ADD3: variants seen among roughly 807,000 people sequenced by gnomAD.
ADD3 encodes adducin 3, also known as gamma-adducin.
A neutral mutation model predicts 80.2 loss-of-function variants in ADD3; 25 were observed. The observed-to-expected ratio is 0.31, with a 90% CI of 0.23 to 0.44. ADD3 has a LOEUF of 0.44. Ranked by LOEUF, ADD3 falls within the 20% of genes least tolerant of loss-of-function variation. The probability of loss-of-function intolerance (pLI) is 1.00; values close to 1 mark genes in which losing one functional copy is unlikely to be tolerated. For missense variants in ADD3, 829 were observed against 847.5 expected, an observed-to-expected ratio of 0.98 and a Z score of 0.27; for synonymous variants, 284 against 289.6, an observed-to-expected ratio of 0.98 and a Z score of 0.20.
At chr10:110,093,910 G>C (rs559672430) in intron 1 of ADD3, among the ~76,000 whole-genome samples, 1 of 151,992 alleles carries the variant, frequency 6.6e-6, no homozygotes, top group African/African-American at 2.4e-5. Flanking sequence ...TACTATATTC[G>C]CCTATTTTTG....
Position 110,119,203 on chromosome 10 carries a change from C to T in ADD3, c.718-8C>T, listed in dbSNP as rs1175029157. ...ATGTGTTATCTTGGTATGGGCCAAACCAAATAGGTATCCTCCATGAAATGT... is the reference window on the plus strand; with the variant it reads ...ATGTGTTATCTTGGTATGGGCCAAATCAAATAGGTATCCTCCATGAAATGT... On this transcript the variant is annotated splice_region_variant and splice_polypyrimidine_tract_variant and intron_variant, in intron 6 of 14. Coordinates refer to ENST00000356080, the MANE Select transcript of ADD3 (RefSeq NM_016824.5). The T allele has an allele frequency of 6.2e-7, 1 of 1,613,882 alleles. No individual in the cohort carries two copies. The highest frequency in any genetic ancestry group is 2.2e-5 in the East Asian group (1 of 44,874).
At chr10:110,018,287 G>C (rs1447283978) in intron 1 of ADD3, among the ~76,000 whole-genome samples, 1 of 152,128 alleles carries the variant, frequency 6.6e-6, no homozygotes, top group Non-Finnish European at 1.5e-5. Flanking sequence ...CAGCACTTTG[G>C]GAGGCTGAGG....
chr10:110,116,458 A>G (rs1565009571), intron 4 of ADD3, 48 bp downstream of exon 4: 1 of 1,592,860 alleles, frequency 6.3e-7, no homozygotes, highest in Non-Finnish European at 8.6e-7. Context: ...TCCAGCTAGA[A>G]GGCAACTATA....
At chr10:110,005,455 T>A (rs1346371034), upstream of ADD3, among the ~76,000 whole-genome samples, 2 of 152,234 alleles carry the variant, frequency 1.3e-5, no homozygotes, top group Non-Finnish European at 2.9e-5. Flanking sequence ...AGTATGCTTA[T>A]AGGTAGGACT....
intron 2 of ADD3, among the ~76,000 whole-genome samples, chr10:110,112,529 T>C (rs1356153656): frequency 3.9e-5 from 6 of 152,208 alleles, no homozygotes; most frequent in Non-Finnish European, 1.5e-5. Flanking sequence ...GCCTGTCTAG[T>C]GTAGATATTA....
intron 1 of ADD3, among the ~76,000 whole-genome samples, chr10:110,010,346 A>G (rs932165943): frequency 2.0e-5 from 3 of 152,224 alleles, no homozygotes; most frequent in Non-Finnish European, 2.9e-5. Context: ...ACTGGGTGGC[A>G]TGTATGCATG....
intron 1 of ADD3, among the ~76,000 whole-genome samples, chr10:110,077,588 A>G (rs995815068): frequency 5.3e-5 from 8 of 152,146 alleles, no homozygotes; most frequent in Non-Finnish European, 1.0e-4. Flanking sequence ...TGTCATAATG[A>G]TGCTTTGTCC....
chr10:110,014,367 G>C (rs184897491), intron 1 of ADD3, among the ~76,000 whole-genome samples: 10 of 152,344 alleles, frequency 6.6e-5, no homozygotes, highest in Admixed American at 6.5e-4. Flanking sequence ...AAGTGCCTTG[G>C]ATGAGTGGAA....
At chr10:110,132,872 A>G (rs1283211885) in intron 14 of ADD3, 1 of 150,242 alleles carries the variant, frequency 6.7e-6, no homozygotes, top group Non-Finnish European at 1.4e-5. Flanking sequence ...GCTGGCAGTG[A>G]GCCAAGACTG....
intron 12 of ADD3, among the ~76,000 whole-genome samples, chr10:110,128,600 G>T (rs780714471): frequency 4.3e-4 from 66 of 151,894 alleles, no homozygotes; most frequent in Admixed American, 8.5e-4. Flanking sequence ...TGTATTTTTA[G>T]TAGAGACAGG....
At chr10:110,130,691 A>G (rs11194998) in intron 13 of ADD3, among the ~76,000 whole-genome samples, 2 of 152,112 alleles carry the variant, frequency 1.3e-5, no homozygotes, top group Non-Finnish European at 2.9e-5. Context: ...CCCCGTCTCT[A>G]TTAAAAATTA....
chr10:110,050,164 A>T (rs12766456), intron 1 of ADD3, among the ~76,000 whole-genome samples: 1 of 152,070 alleles, frequency 6.6e-6, no homozygotes, highest in Non-Finnish European at 1.5e-5. Context: ...GAAAGTCATG[A>T]TTGGTTTTGA....
rs1221107586 is a variant in ADD3, at chr10:110,112,906, C to T, written c.325C>T (p.Pro109Ser). The T allele has an allele frequency of 2.5e-6, 4 of 1,613,462 alleles. No individual in the cohort carries two copies. The highest frequency in any genetic ancestry group is 3.4e-6 in the Non-Finnish European group (4 of 1,179,834). ...MANSFSGFSS[P>S]PLSLGMVTPI... is the part of the protein sequence containing the mutation. ...CAATTCTTTCTCGGGTTTTTCTTCA[C>T]CTCCTCTCAGTATGTCAGTTTTGGA... Residue 109 changes from proline to serine, a missense_variant, in exon 3 of 15, where the codon CCT (proline) becomes TCT (serine). By Grantham distance (74) the Pro-to-Ser change is moderately conservative. Coordinates refer to ENST00000356080, the MANE Select transcript of ADD3 (RefSeq NM_016824.5).
intron 1 of ADD3, among the ~76,000 whole-genome samples, chr10:110,090,265 G>C (rs531391827): frequency 4.1e-5 from 6 of 145,712 alleles, no homozygotes; most frequent in African/African-American, 1.1e-4. Flanking sequence ...TGTCGCCCAG[G>C]CTGGAGTGCA....
chr10:110,068,689 T>C (rs1327999638), intron 1 of ADD3, among the ~76,000 whole-genome samples: 2 of 152,234 alleles, frequency 1.3e-5, no homozygotes, highest in Non-Finnish European at 2.9e-5. Context: ...AAAAGGATTT[T>C]TTCTTTTTTG....
chr10:110,122,244 G>C lies in ADD3; in HGVS notation c.1095G>C (p.Lys365Asn), dbSNP rs781267948. 2.5e-6 allele frequency: 4 copies of C among 1,614,088 alleles called. No individual in the cohort carries two copies. The highest frequency in any genetic ancestry group is 3.4e-6 in the Non-Finnish European group (4 of 1,179,990). ...ATATGGGTTCCCATCAAAAATGGAA[G>C]GTTGGCGAAATTGAGTTTGAAGGGC... The part of the protein sequence containing the change: ...GVNMGSHQKW[K>N]VGEIEFEGLM... Residue 365 changes from lysine (K) to asparagine (N), a missense_variant, in exon 9 of 15, where the codon AAG becomes AAC. Transcript: ENST00000356080.
intron 8 of ADD3, chr10:110,121,857 T>C (rs1851539805): frequency 9.7e-6 from 3 of 309,776 alleles, no homozygotes; most frequent in Non-Finnish European, 1.8e-5. Context: ...TGGCTTAAAA[T>C]ATGTTAAGAG....
chr10:110,037,347 A>G (rs1314592230), intron 1 of ADD3, among the ~76,000 whole-genome samples: 1 of 152,176 alleles, frequency 6.6e-6, no homozygotes, highest in African/African-American at 2.4e-5. Context: ...CTCAACGCCT[A>G]TAATCCCAGC....
In ADD3 at chr10:110,092,785, G is replaced by GA. The variant is rs1000709322; in HGVS notation, c.-29-7830dup. ...TAAATATAATTTTATTTTTTAAACT[G>GA]AAAAAAAAAACCCCTCAGTTTTCTT... On this transcript the variant is annotated intron_variant, in intron 1 of 14. Coordinates refer to ENST00000356080, the MANE Select transcript of ADD3 (RefSeq NM_016824.5). Among the ~76,000 whole-genome samples, 1,462 of 147,042 alleles carry GA rather than the reference G, an allele frequency of 9.9e-3. 19 individuals are homozygous for GA. Among genetic ancestry groups the GA allele is most frequent in the African/African-American group, 0.026 (1,058 of 40,188 alleles).
Sources: allele counts gnomAD v4.1 joint callset (sites outside exome capture counted in the v4.1 genomes callset), GRCh38; gene constraint gnomAD v4.1.1; transcripts MANE v1.5; gene names NCBI Gene and HGNC (gene_info 2026-07-23, HGNC 2026-07-21).